The following CFAP299 variants were observed in gnomAD, a reference collection of about 807,000 sequenced individuals.
The protein encoded by CFAP299 is cilia and flagella associated protein 299, also known as cilia- and flagella-associated protein 299.
A neutral mutation model predicts 27.0 loss-of-function variants in CFAP299; 21 were observed. The observed-to-expected ratio is 0.78, with a 90% CI of 0.55 to 1.12. The LOEUF (loss-of-function observed/expected upper bound fraction) is 1.12, where lower values mean the gene tolerates loss of function less well. Among genes scored for constraint, CFAP299 ranks in the 50% most tolerant of loss-of-function variants. The pLI is 0.00. For missense variants in CFAP299, 310 were observed against 276.6 expected, an observed-to-expected ratio of 1.12 and a Z score of -0.86; for synonymous variants, 104 against 98.1, an observed-to-expected ratio of 1.06 and a Z score of -0.36.
chr4:80,795,203 C>T (rs1389632532), intron 3 of CFAP299, among the ~76,000 whole-genome samples: 3 of 152,304 alleles, frequency 2.0e-5, no homozygotes, highest in South Asian at 2.1e-4. Context: ...CATCCACATA[C>T]CTATTCTCCA....
intron 3 of CFAP299, among the ~76,000 whole-genome samples, chr4:80,675,402 C>A (rs1222203382): frequency 6.6e-6 from 1 of 152,160 alleles, no homozygotes; most frequent in East Asian, 1.9e-4. Context: ...GCTGCCAGAT[C>A]CTTCCTCTGG....
chr4:80,477,779 A>G (rs1026263563), intron 2 of CFAP299, among the ~76,000 whole-genome samples: 3 of 152,142 alleles, frequency 2.0e-5, no homozygotes, highest in Non-Finnish European at 4.4e-5. Context: ...TTTAGATTCT[A>G]TGGTCCATCA....
At chr4:80,526,318 A>G (rs1733172333) in intron 2 of CFAP299, among the ~76,000 whole-genome samples, 1 of 152,162 alleles carries the variant, frequency 6.6e-6, no homozygotes, top group Non-Finnish European at 1.5e-5. Context: ...TTCATTATGT[A>G]AGAAGGAACA....
chr4:80,702,967 C>T (rs1282323431), intron 3 of CFAP299, among the ~76,000 whole-genome samples: 1 of 151,770 alleles, frequency 6.6e-6, no homozygotes, highest in African/African-American at 2.4e-5. Flanking sequence ...AGATCAACCT[C>T]CAGCTCTTCA....
intron 2 of CFAP299, among the ~76,000 whole-genome samples, chr4:80,490,480 A>T (rs552380749): frequency 1.2e-3 from 180 of 152,308 alleles, no homozygotes; most frequent in African/African-American, 4.0e-3. Flanking sequence ...GAGATCTGTG[A>T]GTACAGAAAG....
In CFAP299 at chr4:80,346,072, C is replaced by T. The variant is rs952158901; in HGVS notation, c.111+10193C>T. Among the ~76,000 whole-genome samples the T allele has an allele frequency of 5.6e-4, 85 of 152,308 alleles. 1 individual carries two copies. Among genetic ancestry groups the T allele is most frequent in the African/African-American group, 2.0e-3 (83 of 41,574 alleles). ...TGTCTGTTGGCTGCATAAATGTCTTCTTTTGAGAAGTGTCTGCTCATATCC... is the reference window on the plus strand; with the variant it reads ...TGTCTGTTGGCTGCATAAATGTCTTTTTTTGAGAAGTGTCTGCTCATATCC... On this transcript the variant is annotated intron_variant, in intron 1 of 5. Coordinates refer to ENST00000358105, the MANE Select transcript of CFAP299 (RefSeq NM_152770.3).
intron 2 of CFAP299, among the ~76,000 whole-genome samples, chr4:80,446,747 A>T (rs1449044435): frequency 6.6e-6 from 1 of 152,210 alleles, no homozygotes; most frequent in Non-Finnish European, 1.5e-5. Flanking sequence ...ACCTGGTAGC[A>T]TTACAGTCTA....
In CFAP299 at chr4:80,870,268, A is replaced by T. The variant is rs1335306609; in HGVS notation, c.476+133A>T. On this transcript the variant is annotated intron_variant, in intron 4 of 5. Transcript: ENST00000358105. Reference sequence around the variant, plus strand: ...ATAACTGGTTATTAATATGAAAATAACTAAATCTTAAAATAAGGAATAAGC... The same window carrying T: ...ATAACTGGTTATTAATATGAAAATATCTAAATCTTAAAATAAGGAATAAGC... 5 of 1,296,106 alleles carry T rather than the reference A, an allele frequency of 3.9e-6. No individual in the cohort carries two copies. The African/African-American group carries it at 7.6e-5, about 20-fold the overall frequency. 80.3% of individuals were successfully genotyped at this position (1,296,106 alleles called of 1,614,324 possible). A position where few individuals can be genotyped will look rare whatever the true frequency, so the allele number is the denominator to read the frequency against.
chr4:80,800,335 T>C lies in CFAP299; in HGVS notation c.334-69658T>C, dbSNP rs1728382377. 1.6e-4 allele frequency among the ~76,000 whole-genome samples: 11 copies of C among 69,780 alleles called. No individual in the cohort carries two copies. In the South Asian group the frequency reaches 4.9e-3, roughly 31 times the overall value. 45.8% of individuals were successfully genotyped at this position (69,780 alleles called of 152,430 possible). On this transcript the variant is annotated intron_variant, in intron 3 of 5. Coordinates refer to ENST00000358105, the MANE Select transcript of CFAP299 (RefSeq NM_152770.3). ...GATATATGATACATTAATATTAATA[T>C]ATATAATATATAATATATATGATAT...
At chr4:80,650,616 G>GTA (rs1740231378) in intron 3 of CFAP299, among the ~76,000 whole-genome samples, 1 of 152,098 alleles carries the variant, frequency 6.6e-6, no homozygotes, top group South Asian at 2.1e-4. Context: ...CTCTTAAAAG[G>GTA]TACAGTACAG....
intron 3 of CFAP299, among the ~76,000 whole-genome samples, chr4:80,738,101 T>A (rs1724022040): frequency 6.6e-6 from 1 of 152,202 alleles, no homozygotes; most frequent in Admixed American, 6.5e-5. Context: ...AAGCTTGCTA[T>A]TATTTCAATT....
chr4:80,401,727 G>A (rs1037377051), intron 2 of CFAP299, among the ~76,000 whole-genome samples: 4 of 152,180 alleles, frequency 2.6e-5, no homozygotes, highest in Non-Finnish European at 5.9e-5. Flanking sequence ...CTGCCTAGTG[G>A]AGCTGTGAAA....
At chr4:80,474,126 G>A (rs1412624412) in intron 2 of CFAP299, among the ~76,000 whole-genome samples, 1 of 152,044 alleles carries the variant, frequency 6.6e-6, no homozygotes, top group African/African-American at 2.4e-5. Flanking sequence ...ATGAGAATAA[G>A]AAAAATGTTT....
intron 3 of CFAP299, among the ~76,000 whole-genome samples, chr4:80,863,038 G>T (rs1252072872): frequency 1.3e-5 from 2 of 152,098 alleles, no homozygotes; most frequent in Non-Finnish European, 2.9e-5. Context: ...GCATTCAAGA[G>T]ATTTAAAATT....
At chr4:80,434,935 T>A (rs1727990486) in intron 2 of CFAP299, among the ~76,000 whole-genome samples, 1 of 152,160 alleles carries the variant, frequency 6.6e-6, no homozygotes, top group African/African-American at 2.4e-5. Flanking sequence ...CAGCAGAATC[T>A]CAAAGTGTTG....
intron 2 of CFAP299, among the ~76,000 whole-genome samples, chr4:80,551,532 A>C (rs1734511491): frequency 6.6e-6 from 1 of 152,160 alleles, no homozygotes; most frequent in African/African-American, 2.4e-5. Flanking sequence ...TAATTCATAT[A>C]CTATATTCAA....
intron 2 of CFAP299, among the ~76,000 whole-genome samples, chr4:80,580,947 G>C (rs1736132552): frequency 6.6e-6 from 1 of 151,898 alleles, no homozygotes; most frequent in South Asian, 2.1e-4. Context: ...CAGTGTCTCA[G>C]TCCCCCAAGA....
chr4:80,558,804 G>A (rs1734906150), intron 2 of CFAP299, among the ~76,000 whole-genome samples: 1 of 151,970 alleles, frequency 6.6e-6, no homozygotes, highest in Non-Finnish European at 1.5e-5. Flanking sequence ...ATATAATAGA[G>A]AAATAAGTAA....
chr4:80,521,054 TA>T (rs1369801450), intron 2 of CFAP299, among the ~76,000 whole-genome samples: 1 of 152,124 alleles, frequency 6.6e-6, no homozygotes, highest in African/African-American at 2.4e-5. Context: ...CTTTTGCGAT[TA>T]AAACAATGAC....
Sources: gnomAD v4.1 joint callset for allele counts (sites outside exome capture counted in the v4.1 genomes callset) on GRCh38, gnomAD v4.1.1 for gene constraint, MANE v1.5 for transcripts, NCBI Gene and HGNC (gene_info 2026-07-23, HGNC 2026-07-21) for gene names.